The following COL26A1 variants were observed in gnomAD, a reference collection of about 807,000 sequenced individuals.
COL26A1 encodes collagen alpha-1(XXVI) chain.
A neutral mutation model predicts 59.3 loss-of-function variants in COL26A1; 41 were observed. That is an observed-to-expected ratio of 0.69 (90% CI 0.54 to 0.90). The LOEUF is 0.90. COL26A1 is among the 40% of genes least tolerant of loss of function. COL26A1 has a pLI of 0.00. For synonymous variants in COL26A1, 266 were observed against 256.0 expected (o/e 1.04, Z -0.37); for missense variants, 612 against 602.3 (o/e 1.02, Z -0.17).
intron 1 of COL26A1, among the ~76,000 whole-genome samples, chr7:101,379,376 C>A (rs989953397): frequency 1.4e-4 from 21 of 152,240 alleles, no homozygotes; most frequent in African/African-American, 4.6e-4. Flanking sequence ...ATCAGGGGCT[C>A]GGAGGGAGCC....
intron 1 of COL26A1, among the ~76,000 whole-genome samples, chr7:101,379,976 T>G (rs1468851630): frequency 1.3e-5 from 2 of 152,174 alleles, no homozygotes; most frequent in Non-Finnish European, 2.9e-5. Context: ...CATTCTCTAT[T>G]CCTTTACTTA....
intron 3 of COL26A1, among the ~76,000 whole-genome samples, chr7:101,463,820 CCCTT>C (rs1321248321): frequency 5.9e-5 from 6 of 101,894 alleles, no homozygotes; most frequent in East Asian, 5.8e-4. Flanking sequence ...TTCCCTCCCT[CCCTT>C]CCTTCCTCCT....
chr7:101,394,869 C>CTTT (rs61005447), intron 1 of COL26A1, among the ~76,000 whole-genome samples: 139 of 97,002 alleles, frequency 1.4e-3, no homozygotes, highest in East Asian at 2.1e-3. Flanking sequence ...TTTTTCTTTT[C>CTTT]TTTTTTTTTT....
At chr7:101,519,887 C>T (rs1231802728) in intron 3 of COL26A1, among the ~76,000 whole-genome samples, 1 of 152,142 alleles carries the variant, frequency 6.6e-6, no homozygotes, top group Admixed American at 6.5e-5. Context: ...TCTCAAGCTT[C>T]CATGGTGAAA....
At chr7:101,555,892 G>A (rs920352894) in intron 12 of COL26A1, 21 bp downstream of exon 12, 1 of 1,581,330 alleles carries the variant, frequency 6.3e-7, no homozygotes. Context: ...ACCAGGATCA[G>A]CGGGCTGGGA....
intron 5 of COL26A1, among the ~76,000 whole-genome samples, chr7:101,540,751 A>G (rs928320864): frequency 1.3e-5 from 2 of 152,134 alleles, no homozygotes; most frequent in African/African-American, 4.8e-5. Context: ...CTGAGGCATG[A>G]GAATTGCTTG....
chr7:101,558,469 G>A lies in COL26A1; in HGVS notation c.*939G>A, dbSNP rs1460518419. On this transcript the variant is annotated 3_prime_UTR_variant, in exon 13 of 13. Transcript: ENST00000313669. ...GTGGGACTTGCAGCCTCTGCCCCAC[G>A]AGTTTGTCTCTCAGTGGACTCTATA... is the stretch of plus-strand genomic sequence containing the variant. The A allele has an allele frequency of 6.6e-6, 1 of 152,236 alleles. No individual in the cohort carries two copies. The highest frequency in any genetic ancestry group is 2.4e-5 in the African/African-American group (1 of 41,448). The allele number at this position is 152,236 out of a possible 1,614,324, so 9.4% of individuals were successfully genotyped here. A position where few individuals can be genotyped will look rare whatever the true frequency, so the allele number is the denominator to read the frequency against.
chr7:101,451,829 T>G (rs978949057), intron 3 of COL26A1, among the ~76,000 whole-genome samples: 1 of 151,810 alleles, frequency 6.6e-6, no homozygotes, highest in Non-Finnish European at 1.5e-5. Flanking sequence ...CTCAGCCTTC[T>G]GAGTAGCAGG....
intron 1 of COL26A1, among the ~76,000 whole-genome samples, chr7:101,418,405 C>A (rs963216915): frequency 6.6e-6 from 1 of 152,066 alleles, no homozygotes; most frequent in Non-Finnish European, 1.5e-5. Context: ...TCTTAGGGAC[C>A]CCTCCAAATG....
intron 1 of COL26A1, among the ~76,000 whole-genome samples, chr7:101,369,107 C>CTT (rs1791122777): frequency 2.0e-5 from 3 of 151,914 alleles, no homozygotes; most frequent in African/African-American, 7.3e-5. Flanking sequence ...GGAGATGGCT[C>CTT]TATCAAAAAG....
intron 3 of COL26A1, among the ~76,000 whole-genome samples, chr7:101,508,402 C>G (rs1405879853): frequency 6.6e-6 from 1 of 151,896 alleles, no homozygotes; most frequent in East Asian, 1.9e-4. Flanking sequence ...ACCTGTAGTC[C>G]CAGCTCCTCA....
intron 3 of COL26A1, among the ~76,000 whole-genome samples, chr7:101,517,547 C>T (rs754529313): frequency 6.6e-6 from 1 of 152,126 alleles, no homozygotes; most frequent in Non-Finnish European, 1.5e-5. Flanking sequence ...CATCAGATCT[C>T]GCGAGACTTA....
chr7:101,509,762 C>T (rs1794883658), intron 3 of COL26A1, among the ~76,000 whole-genome samples: 1 of 152,114 alleles, frequency 6.6e-6, no homozygotes, highest in Non-Finnish European at 1.5e-5. Flanking sequence ...GGGCCTCACT[C>T]TGTCACCTAG....
chr7:101,430,820 A>G (rs1406562760), intron 2 of COL26A1, among the ~76,000 whole-genome samples: 2 of 151,668 alleles, frequency 1.3e-5, no homozygotes, highest in Admixed American at 6.6e-5. Context: ...TTTGAGACGG[A>G]GTCTCGCTCT....
chr7:101,463,555 T>C (rs367827263), intron 3 of COL26A1, among the ~76,000 whole-genome samples: 60,863 of 119,016 alleles, frequency 0.51, 16,051 homozygotes, highest in African/African-American at 0.64. Flanking sequence ...TCCCCTTTTC[T>C]TTTTCTTTCT....
intron 1 of COL26A1, among the ~76,000 whole-genome samples, chr7:101,405,663 C>T (rs1268994275): frequency 2.6e-5 from 4 of 152,210 alleles, no homozygotes; most frequent in East Asian, 1.9e-4. Context: ...CCCTAAGTGC[C>T]GACCCTATAG....
intron 1 of COL26A1, among the ~76,000 whole-genome samples, chr7:101,363,792 G>A (rs115011360): frequency 0.02 from 3,030 of 152,268 alleles, 89 homozygotes; most frequent in African/African-American, 0.069. Flanking sequence ...GGCTCTGCCC[G>A]GGGCGTTCGG....
intron 3 of COL26A1, among the ~76,000 whole-genome samples, chr7:101,512,122 C>T (rs930085062): frequency 3.7e-4 from 57 of 152,116 alleles, no homozygotes. Context: ...CTGTGGTCAC[C>T]GTGGAGGTCG....
intron 3 of COL26A1, among the ~76,000 whole-genome samples, chr7:101,511,407 C>G (rs946959755): frequency 2.6e-5 from 4 of 152,210 alleles, no homozygotes; most frequent in Non-Finnish European, 4.4e-5. Context: ...TAACTGAACT[C>G]CCAGAACAAA....
Sources: gnomAD v4.1 joint callset for allele counts (sites outside exome capture counted in the v4.1 genomes callset) on GRCh38, gnomAD v4.1.1 for gene constraint, MANE v1.5 for transcripts, NCBI Gene and HGNC (gene_info 2026-07-23, HGNC 2026-07-21) for gene names.